NCKAP1: variants seen among roughly 807,000 people sequenced by gnomAD.
NCKAP1 encodes nck-associated protein 1.
A neutral mutation model predicts 151.2 loss-of-function variants in NCKAP1; 21 were observed. The observed-to-expected ratio is 0.14, with a 90% confidence interval of 0.10 to 0.20. The LOEUF (loss-of-function observed/expected upper bound fraction) is 0.20. Among genes scored for constraint, NCKAP1 ranks in the 10% least tolerant of loss-of-function variants. The pLI is 1.00. For missense variants in NCKAP1, 933 were observed against 1,352.1 expected (o/e 0.69, Z 4.86); for synonymous variants, 484 against 451.8 (o/e 1.07, Z -0.90).
intron 20 of NCKAP1, among the ~76,000 whole-genome samples, chr2:182,954,822 A>G (rs954629516): frequency 6.6e-6 from 1 of 152,030 alleles, no homozygotes; most frequent in African/African-American, 2.4e-5. Context: ...AAAATAAAAA[A>G]TCTTTCCAAG....
chr2:182,941,328 C>A (rs1180531504), intron 24 of NCKAP1, among the ~76,000 whole-genome samples: 1 of 152,040 alleles, frequency 6.6e-6, no homozygotes, highest in East Asian at 1.9e-4. Context: ...AATATACCTC[C>A]CACAAAGAAT....
At chr2:183,037,323 T>C (rs1238817885) in intron 1 of NCKAP1, among the ~76,000 whole-genome samples, 3 of 152,084 alleles carry the variant, frequency 2.0e-5, no homozygotes, top group Middle Eastern at 3.2e-3. Flanking sequence ...GAGTAGAAGG[T>C]TGTTATTCCA....
At chr2:183,029,317 A>C (rs1253081557) in intron 1 of NCKAP1, among the ~76,000 whole-genome samples, 1 of 152,092 alleles carries the variant, frequency 6.6e-6, no homozygotes, top group African/African-American at 2.4e-5. Context: ...TTAAAGTATG[A>C]CTTTAAAACA....
chr2:183,012,744 G>A (rs923042681), intron 2 of NCKAP1, among the ~76,000 whole-genome samples: 2 of 149,524 alleles, frequency 1.3e-5, no homozygotes, highest in African/African-American at 4.9e-5. Context: ...TCCCCAAGTA[G>A]CTGGGAAAAC....
At chr2:183,007,272 T>C (rs1319276389) in intron 2 of NCKAP1, among the ~76,000 whole-genome samples, 3 of 152,216 alleles carry the variant, frequency 2.0e-5, no homozygotes, top group African/African-American at 7.2e-5. Context: ...TAGCTATGGG[T>C]CATTATTCTA....
At chr2:183,019,526 G>T (rs1015819527) in intron 2 of NCKAP1, among the ~76,000 whole-genome samples, 1 of 152,010 alleles carries the variant, frequency 6.6e-6, no homozygotes, top group Admixed American at 6.6e-5. Context: ...TCCCCTCCAG[G>T]TACCCTTAAG....
At chr2:182,996,043 T>G (rs991911361) in intron 6 of NCKAP1, among the ~76,000 whole-genome samples, 1 of 152,220 alleles carries the variant, frequency 6.6e-6, no homozygotes, top group African/African-American at 2.4e-5. Flanking sequence ...CTACACAGAT[T>G]CTGCGTTTTT....
intron 2 of NCKAP1, among the ~76,000 whole-genome samples, chr2:183,006,913 C>G (rs534568392): frequency 5.1e-4 from 77 of 151,998 alleles, no homozygotes; most frequent in Non-Finnish European, 8.5e-4. Flanking sequence ...GTTCTATTGC[C>G]CAGGCTGGAG....
chr2:182,929,940 G>C (rs949368790), intron 27 of NCKAP1, among the ~76,000 whole-genome samples: 3 of 151,794 alleles, frequency 2.0e-5, no homozygotes, highest in African/African-American at 7.3e-5. Flanking sequence ...ATTTCTAAAT[G>C]TTTTATATAA....
At chr2:182,995,011 A>G (rs1698241309) in intron 7 of NCKAP1, 124 bp from the exon 8 acceptor site, 4 of 726,252 alleles carry the variant, frequency 5.5e-6, no homozygotes, top group Non-Finnish European at 9.2e-6. Context: ...TACTACCACA[A>G]CAAATTTGAA....
intron 9 of NCKAP1, among the ~76,000 whole-genome samples, chr2:182,987,594 A>G (rs1698082936): frequency 2.0e-5 from 3 of 152,206 alleles, no homozygotes; most frequent in Admixed American, 2.0e-4. Flanking sequence ...CACTCAATAT[A>G]CAGAGGCTAA....
chr2:183,037,491 A>G (rs893186100), intron 1 of NCKAP1, among the ~76,000 whole-genome samples: 2 of 152,122 alleles, frequency 1.3e-5, no homozygotes, highest in African/African-American at 4.8e-5. Flanking sequence ...AGTGGAGGGG[A>G]TACGGGATTC....
In NCKAP1 at chr2:182,967,371, A is replaced by C. The variant is rs1414327619; in HGVS notation, c.1483-10T>G. On this transcript the variant is annotated splice_polypyrimidine_tract_variant and intron_variant, in intron 15 of 30. Transcript: ENST00000361354. The stretch of plus-strand genomic sequence containing the variant: ...AGACACTAGTATATGCCTATAAAGT[A>C]CAAAAAAAAAAAAGTAGTTCAGGTA... 1 of 1,577,652 alleles carries C rather than the reference A, an allele frequency of 6.3e-7. No homozygotes were observed. The highest frequency in any genetic ancestry group is 8.6e-7 in the Non-Finnish European group (1 of 1,167,824).
At chr2:183,012,760 C>G (rs1367319254) in intron 2 of NCKAP1, among the ~76,000 whole-genome samples, 1 of 150,728 alleles carries the variant, frequency 6.6e-6, no homozygotes, top group African/African-American at 2.5e-5. Context: ...AAAACATGCG[C>G]ACGCCACCAC....
rs561764229 is a variant in NCKAP1 at position 182,918,400 on chromosome 2, A to T, written c.*7302T>A. The T allele has an allele frequency of 6.6e-6, 1 of 152,338 alleles. No individual in the cohort carries two copies. The highest frequency in any genetic ancestry group is 1.9e-4 in the East Asian group (1 of 5,190). The allele number at this position is 152,338 out of a possible 1,614,324, so 9.4% of individuals were successfully genotyped here. On this transcript the variant is annotated 3_prime_UTR_variant, in exon 31 of 31. Coordinates refer to ENST00000361354, the MANE Select transcript of NCKAP1 (RefSeq NM_013436.5). Reference sequence around the variant, plus strand: ...TCTGCATGTGTATATTTATTGCAGCACAATTCATAACTGCAAAGATATGGA... The same window carrying T: ...TCTGCATGTGTATATTTATTGCAGCTCAATTCATAACTGCAAAGATATGGA...
chr2:183,025,057 G>C, intron 1 of NCKAP1: 1 of 1,522,330 alleles, frequency 6.6e-7, no homozygotes. Flanking sequence ...GTCAAACTAT[G>C]ATATACGTTT....
intron 1 of NCKAP1, among the ~76,000 whole-genome samples, chr2:183,024,414 A>G (rs569251191): frequency 6.6e-6 from 1 of 152,330 alleles, no homozygotes; most frequent in African/African-American, 2.4e-5. Context: ...AATTGTCTTT[A>G]TAGTGCTAAG....
At chr2:183,037,920 C>T in intron 1 of NCKAP1, 72 bp downstream of exon 1, 1 of 1,230,314 alleles carries the variant, frequency 8.1e-7, no homozygotes, top group Non-Finnish European at 1.1e-6. Context: ...GCCCCCACCC[C>T]ACGGCCTCCC....
intron 8 of NCKAP1, among the ~76,000 whole-genome samples, chr2:182,993,075 G>A (rs1021161600): frequency 9.2e-5 from 14 of 152,140 alleles, no homozygotes; most frequent in African/African-American, 3.1e-4. Flanking sequence ...TAGGGGATTG[G>A]TTCCAGGACC....
Sources: allele counts gnomAD v4.1 joint callset (sites outside exome capture counted in the v4.1 genomes callset), GRCh38; gene constraint gnomAD v4.1.1; transcripts MANE v1.5; gene names NCBI Gene and HGNC (gene_info 2026-07-23, HGNC 2026-07-21).